POFUT3: variants seen among roughly 807,000 people sequenced by gnomAD.
POFUT3 encodes GDP-fucose protein O-fucosyltransferase 3.
chr8:33,467,103 C>CT, the POFUT3 span, among the ~76,000 whole-genome samples: 1 of 149,708 alleles, frequency 6.7e-6, no homozygotes, highest in Non-Finnish European at 1.5e-5. Flanking sequence ...GAGACTCTGT[C>CT]TCAAAAAAAA....
chr8:33,419,939 T>A, the POFUT3 span, among the ~76,000 whole-genome samples: 1 of 151,936 alleles, frequency 6.6e-6, no homozygotes, highest in Non-Finnish European at 1.5e-5. Flanking sequence ...GCCAGCCTGG[T>A]CAACATGGTG....
At chr8:33,340,959 G>A in the POFUT3 span, among the ~76,000 whole-genome samples, 1 of 151,928 alleles carries the variant, frequency 6.6e-6, no homozygotes, top group Non-Finnish European at 1.5e-5. Flanking sequence ...ATATTTTTAG[G>A]GCACTTTTCT....
At chr8:33,341,448 A>G in the POFUT3 span, among the ~76,000 whole-genome samples, 10 of 151,654 alleles carry the variant, frequency 6.6e-5, no homozygotes, top group Non-Finnish European at 1.3e-4. Flanking sequence ...AAAAAAAAAA[A>G]AAAGAAAAAG....
the POFUT3 span, among the ~76,000 whole-genome samples, chr8:33,379,871 T>C: frequency 7.8e-6 from 1 of 128,706 alleles, no homozygotes; most frequent in South Asian, 2.2e-4. Context: ...ATATAATATA[T>C]ATATACTATA....
chr8:33,423,896 T>C, the POFUT3 span, among the ~76,000 whole-genome samples: 4 of 149,236 alleles, frequency 2.7e-5, no homozygotes, highest in Admixed American at 6.7e-5. Context: ...CCTAGCACTA[T>C]TGGAGGCCAA....
the POFUT3 span, among the ~76,000 whole-genome samples, chr8:33,316,747 A>T: frequency 6.6e-6 from 1 of 151,472 alleles, no homozygotes; most frequent in Non-Finnish European, 1.5e-5. Flanking sequence ...GTCTCAAAAA[A>T]AAAAAACAAG....
chr8:33,317,135 A>G, the POFUT3 span, among the ~76,000 whole-genome samples: 1 of 152,170 alleles, frequency 6.6e-6, no homozygotes, highest in Non-Finnish European at 1.5e-5. Context: ...GATAAGTAAG[A>G]AAGTAATAAT....
chr8:33,441,956 T>C, the POFUT3 span, among the ~76,000 whole-genome samples: 2 of 152,024 alleles, frequency 1.3e-5, no homozygotes, highest in Admixed American at 1.3e-4. Context: ...ACTTCTATTT[T>C]TTTTCTTTTT....
chr8:33,376,013 T>G, the POFUT3 span, among the ~76,000 whole-genome samples: 1 of 135,392 alleles, frequency 7.4e-6, no homozygotes, highest in Non-Finnish European at 1.5e-5. Context: ...TGAGACTCCA[T>G]CTCAAAAAGA....
chr8:33,386,462 A>G, the POFUT3 span, among the ~76,000 whole-genome samples: 1 of 152,144 alleles, frequency 6.6e-6, no homozygotes, highest in African/African-American at 2.4e-5. Context: ...GAAATGCCAC[A>G]TTCAGTTAGC....
chr8:33,364,125 T>A, the POFUT3 span, among the ~76,000 whole-genome samples: 1 of 152,032 alleles, frequency 6.6e-6, no homozygotes, highest in Non-Finnish European at 1.5e-5. Context: ...CATACACAAA[T>A]CAATAAACAT....
At chr8:33,472,157 G>C in the POFUT3 span, among the ~76,000 whole-genome samples, 1 of 152,200 alleles carries the variant, frequency 6.6e-6, no homozygotes, top group East Asian at 1.9e-4. Flanking sequence ...AGTCCTGAAA[G>C]CCAACTTGCC....
the POFUT3 span, among the ~76,000 whole-genome samples, chr8:33,373,845 A>G: frequency 2.0e-5 from 3 of 152,216 alleles, no homozygotes; most frequent in African/African-American, 7.2e-5. Context: ...AGGGCAGAAG[A>G]GTAACAAAAC....
chr8:33,309,377 T>TGTGTGTGTG, the POFUT3 span, among the ~76,000 whole-genome samples: 25,517 of 145,538 alleles, frequency 0.18, 2,405 homozygotes, highest in South Asian at 0.35. Flanking sequence ...GTGTGTGTGT[T>TGTGTGTGTG]TTTCTCCCCT....
the POFUT3 span, chr8:33,436,583 C>G: frequency 1.1e-6 from 1 of 901,698 alleles, no homozygotes; most frequent in Non-Finnish European, 1.9e-6. Flanking sequence ...TCTATGTGCA[C>G]AAAGCCATAA....
the POFUT3 span, among the ~76,000 whole-genome samples, chr8:33,380,191 A>G: frequency 5.3e-5 from 3 of 57,012 alleles, no homozygotes; most frequent in Non-Finnish European, 8.7e-5. Flanking sequence ...TATATATACT[A>G]TATATATATA....
the POFUT3 span, among the ~76,000 whole-genome samples, chr8:33,410,466 G>A: frequency 6.6e-6 from 1 of 152,076 alleles, no homozygotes; most frequent in South Asian, 2.1e-4. Flanking sequence ...AGGGGAGGAG[G>A]AGCTGCCTAC....
At chr8:33,333,503 A>T in the POFUT3 span, among the ~76,000 whole-genome samples, 1 of 152,254 alleles carries the variant, frequency 6.6e-6, no homozygotes. Flanking sequence ...GGGGAATCAT[A>T]TAATGAAGGG....
At chr8:33,415,403 A>C in the POFUT3 span, among the ~76,000 whole-genome samples, 3 of 152,190 alleles carry the variant, frequency 2.0e-5, no homozygotes, top group Non-Finnish European at 4.4e-5. Context: ...TTGGAGGAGA[A>C]GGGAGCCAAG....
Sources: gnomAD v4.1 joint callset for allele counts (sites outside exome capture counted in the v4.1 genomes callset) on GRCh38, gnomAD v4.1.1 for gene constraint, MANE v1.5 for transcripts, NCBI Gene and HGNC (gene_info 2026-07-23, HGNC 2026-07-21) for gene names.